The following ACAD9 variants were observed in gnomAD, a reference collection of about 807,000 sequenced individuals.
ACAD9 encodes complex I assembly factor ACAD9, mitochondrial.
In ACAD9, 53 loss-of-function variants were observed where a neutral mutation model predicts 70.2. The ratio of observed to expected loss-of-function variants is 0.75; its 90% CI spans 0.61 to 0.95. The LOEUF (loss-of-function observed/expected upper bound fraction) is 0.95. Ranked by LOEUF, ACAD9 falls within the 40% of genes least tolerant of loss-of-function variation. ACAD9 has a pLI of 0.00. For synonymous variants in ACAD9, 313 were observed against 312.1 expected (o/e 1.00, Z -0.03); for missense variants, 777 against 802.8 (o/e 0.97, Z 0.39).
chr3:128,899,564 AAG>A (rs1935679212), intron 7 of ACAD9, 103 bp downstream of exon 7: 15 of 794,214 alleles, frequency 1.9e-5, no homozygotes, highest in Non-Finnish European at 2.6e-5. Flanking sequence ...GTGTGTGTGT[AAG>A]GGGGAGACTG....
At chr3:128,910,709 G>A (rs1936191610) in intron 16 of ACAD9, 32 bp from the exon 17 acceptor site, 2 of 1,612,488 alleles carry the variant, frequency 1.2e-6, no homozygotes, top group East Asian at 4.5e-5. Context: ...CCAGGAATTT[G>A]GGCATATCTT....
At chr3:128,888,262 G>T (rs1185376991) in intron 2 of ACAD9, among the ~76,000 whole-genome samples, 1 of 152,142 alleles carries the variant, frequency 6.6e-6, no homozygotes, top group African/African-American at 2.4e-5. Flanking sequence ...CAGAGAATTA[G>T]AATTTAAAAG....
chr3:128,884,613 C>A, intron 1 of ACAD9, 40 bp from the exon 2 acceptor site: 1 of 1,489,910 alleles, frequency 6.7e-7, no homozygotes, highest in Non-Finnish European at 9.3e-7. Flanking sequence ...TGGGAGTGTG[C>A]TAAAAATTAA....
chr3:128,894,362 A>G (rs1031020299), intron 3 of ACAD9, among the ~76,000 whole-genome samples: 3 of 152,200 alleles, frequency 2.0e-5, no homozygotes, highest in African/African-American at 7.2e-5. Flanking sequence ...TGTTGCATTT[A>G]TAAAGACCTA....
rs1215699317 is a variant in ACAD9 at position 128,912,507 on chromosome 3, A to T, written c.1766A>T (p.Tyr589Phe). ...CACCATCTCTCCTTTTCCTTCCCAG[A>T]TGCTCCAGAAAACCTAGATGAGCAG... ...NLFSLSQLDK[Y>F]APENLDEQIK... Residue 589 changes from tyrosine (Y) to phenylalanine (F), a missense_variant and splice_region_variant, in exon 18 of 18, where the codon TAT becomes TTT. Tyr to Phe is a conservative substitution (Grantham distance 22, BLOSUM62 3). Coordinates refer to ENST00000308982, the MANE Select transcript of ACAD9 (RefSeq NM_014049.5). The T allele has an allele frequency of 6.2e-7, 1 of 1,613,184 alleles. No homozygotes were observed. The highest frequency in any genetic ancestry group is 8.5e-7 in the Non-Finnish European group (1 of 1,179,366).
chr3:128,910,182 C>A (rs772128649), intron 16 of ACAD9, 33 bp downstream of exon 16: 7 of 1,613,466 alleles, frequency 4.3e-6, no homozygotes, highest in Non-Finnish European at 5.9e-6. Flanking sequence ...CAGGGCCTGG[C>A]TGCTGCCATC....
intron 7 of ACAD9, 69 bp downstream of exon 7, chr3:128,899,530 G>GTT (rs1935677394): frequency 3.4e-6 from 4 of 1,162,718 alleles, no homozygotes; most frequent in Admixed American, 2.3e-5. Context: ...GACGGTGTGT[G>GTT]TGTGTGTGTG....
intron 12 of ACAD9, among the ~76,000 whole-genome samples, chr3:128,907,314 A>G (rs1935922451): frequency 6.6e-6 from 1 of 152,146 alleles, no homozygotes; most frequent in South Asian, 2.1e-4. Context: ...GGCAAGGGCC[A>G]GCCTGAGGGC....
At chr3:128,910,273 G>C in intron 16 of ACAD9, 124 bp downstream of exon 16, 1 of 1,529,176 alleles carries the variant, frequency 6.5e-7, no homozygotes, top group South Asian at 1.2e-5. Context: ...TTCACCATGC[G>C]GTGGCCGTGG....
intron 1 of ACAD9, among the ~76,000 whole-genome samples, chr3:128,883,562 T>C (rs1427344217): frequency 6.6e-6 from 1 of 152,098 alleles, no homozygotes. Flanking sequence ...TTCACCATGT[T>C]GGTCAGGCTG....
chr3:128,896,008 A>C (rs1344261664), intron 4 of ACAD9, among the ~76,000 whole-genome samples: 1 of 152,184 alleles, frequency 6.6e-6, no homozygotes, highest in African/African-American at 2.4e-5. Context: ...CAGCCCTGAC[A>C]CTGAGCACCT....
intron 15 of ACAD9, 78 bp from the exon 16 acceptor site, chr3:128,909,943 A>C: frequency 6.3e-7 from 1 of 1,585,136 alleles, no homozygotes; most frequent in Admixed American, 1.9e-5. Context: ...AAGACAGGCA[A>C]AGATGCAGCC....
At chr3:128,887,174 A>G (rs1935274865) in intron 2 of ACAD9, among the ~76,000 whole-genome samples, 1 of 152,020 alleles carries the variant, frequency 6.6e-6, no homozygotes, top group South Asian at 2.1e-4. Flanking sequence ...ATCTGCCTGT[A>G]ATCCAAAGTG....
At position 128,909,329 on chromosome 3, in the gene ACAD9, T is replaced by C. The variant is rs1470686433; in HGVS notation, c.1486-15T>C. On this transcript the variant is annotated splice_polypyrimidine_tract_variant and intron_variant, in intron 14 of 17. Coordinates refer to ENST00000308982, the MANE Select transcript of ACAD9 (RefSeq NM_014049.5). ...AGGGATGAGGTGCTGAACTGAGTCCTGTCTTGGTTAATAGGACAGTGCCAA... is the reference window on the plus strand; with the variant it reads ...AGGGATGAGGTGCTGAACTGAGTCCCGTCTTGGTTAATAGGACAGTGCCAA... 15 of 1,614,128 alleles carry C rather than the reference T, an allele frequency of 9.3e-6. No individual in the cohort carries two copies. The highest frequency in any genetic ancestry group is 1.7e-5 in the Admixed American group (1 of 60,022).
At chr3:128,887,618 T>A (rs867546748) in intron 2 of ACAD9, among the ~76,000 whole-genome samples, 4,303 of 119,138 alleles carry the variant, frequency 0.036, 112 homozygotes, top group South Asian at 0.14. Context: ...CAAAAAAAAA[T>A]AAAAATAAAA....
intron 7 of ACAD9, among the ~76,000 whole-genome samples, chr3:128,899,898 A>G (rs1374620758): frequency 6.6e-6 from 1 of 152,176 alleles, no homozygotes; most frequent in Admixed American, 6.5e-5. Flanking sequence ...AGAGCAGATC[A>G]TAAGCACCTA....
chr3:128,887,902 A>G (rs1043382615), intron 2 of ACAD9, among the ~76,000 whole-genome samples: 3 of 152,188 alleles, frequency 2.0e-5, no homozygotes, highest in Non-Finnish European at 2.9e-5. Context: ...CTGGAATGAC[A>G]GCTGTAGGCA....
At position 128,909,046 on chromosome 3, in the gene ACAD9, A is replaced by T; in HGVS notation, c.1432A>T (p.Thr478Ser). 1.2e-6 allele frequency: 2 copies of T among 1,614,130 alleles called. No individual in the cohort carries two copies. Among genetic ancestry groups the T allele is most frequent in the Non-Finnish European group, 1.7e-6 (2 of 1,180,024 alleles). The change falls in exon 14 of 18, where the codon ACT becomes TCT. Residue 478 changes from threonine to serine, a missense_variant. Thr to Ser is a moderately conservative substitution (Grantham distance 58). Transcript: ENST00000308982. ...GRRLRDSLGR[T>S]VDLGLTGNHG... The stretch of plus-strand genomic sequence containing the variant: ...GAGGCTTCGGGACTCCCTGGGCCGA[A>T]CTGTGGACCTGGGGCTGACAGGCAA...
chr3:128,883,662 CT>C (rs1167749176), intron 1 of ACAD9, among the ~76,000 whole-genome samples: 72 of 147,996 alleles, frequency 4.9e-4, no homozygotes, highest in African/African-American at 1.2e-3. Flanking sequence ...GGCCTCCAAC[CT>C]TTTTTTTTTT....
Sources: allele counts gnomAD v4.1 joint callset (sites outside exome capture counted in the v4.1 genomes callset), GRCh38; gene constraint gnomAD v4.1.1; transcripts MANE v1.5; gene names NCBI Gene and HGNC (gene_info 2026-07-23, HGNC 2026-07-21).